Variants in GATAD2B observed in about 807,000 individuals in gnomAD.
The protein encoded by GATAD2B is GATA zinc finger domain containing 2B, also known as transcriptional repressor p66-beta.
Under a neutral mutation model 64.3 loss-of-function variants are expected in GATAD2B, and 8 were observed. The observed-to-expected ratio is 0.12, with a 90% CI of 0.07 to 0.22. The LOEUF (loss-of-function observed/expected upper bound fraction) is 0.22. Ranked by LOEUF, GATAD2B falls within the 10% of genes least tolerant of loss-of-function variation. The probability of loss-of-function intolerance (pLI) is 1.00; values close to 1 mark genes in which losing one functional copy is unlikely to be tolerated. For synonymous variants in GATAD2B, 281 were observed against 271.3 expected (o/e 1.04, Z -0.35); for missense variants, 453 against 752.0 (o/e 0.60, Z 4.65).
chr1:153,865,220 T>C (rs920283362), intron 1 of GATAD2B, among the ~76,000 whole-genome samples: 1 of 151,910 alleles, frequency 6.6e-6, no homozygotes, highest in African/African-American at 2.4e-5. Context: ...AGCACTATGG[T>C]AGGCCAAGGC....
intron 2 of GATAD2B, among the ~76,000 whole-genome samples, chr1:153,820,175 A>C (rs957329714): frequency 6.6e-6 from 1 of 152,174 alleles, no homozygotes; most frequent in Non-Finnish European, 1.5e-5. Context: ...GGAAGTATTA[A>C]TAATTTGAGG....
chr1:153,830,451 T>C (rs1397948212), intron 1 of GATAD2B, among the ~76,000 whole-genome samples: 1 of 74,002 alleles, frequency 1.4e-5, no homozygotes, highest in Non-Finnish European at 2.5e-5. Context: ...CGGCCTGTTT[T>C]TATTTTTATT....
intron 1 of GATAD2B, among the ~76,000 whole-genome samples, chr1:153,874,277 G>A (rs1360059070): frequency 7.1e-6 from 1 of 140,058 alleles, no homozygotes; most frequent in East Asian, 2.1e-4. Context: ...AAAAAAAAAA[G>A]AGAGAGGGAA....
At chr1:153,914,981 T>C (rs573952749) in intron 1 of GATAD2B, among the ~76,000 whole-genome samples, 1 of 151,768 alleles carries the variant, frequency 6.6e-6, no homozygotes, top group Non-Finnish European at 1.5e-5. Flanking sequence ...CCCAACACTT[T>C]GGGAGGCCAA....
chr1:153,842,728 C>T (rs1187746036), intron 1 of GATAD2B, among the ~76,000 whole-genome samples: 1 of 151,550 alleles, frequency 6.6e-6, no homozygotes, highest in Non-Finnish European at 1.5e-5. Flanking sequence ...TCTCGGCTCA[C>T]TGCAGCCTCC....
At chr1:153,883,233 T>G (rs1235623132) in intron 1 of GATAD2B, among the ~76,000 whole-genome samples, 3 of 152,184 alleles carry the variant, frequency 2.0e-5, no homozygotes, top group Non-Finnish European at 2.9e-5. Context: ...CGCAAAAATA[T>G]TATTTCTAAA....
intron 1 of GATAD2B, among the ~76,000 whole-genome samples, chr1:153,872,795 C>A (rs1181644898): frequency 6.6e-6 from 1 of 152,028 alleles, no homozygotes; most frequent in Non-Finnish European, 1.5e-5. Flanking sequence ...AGCTGGAAAC[C>A]CAAATAACTG....
chr1:153,821,844 G>A (rs1024376663), intron 2 of GATAD2B, among the ~76,000 whole-genome samples: 32 of 151,346 alleles, frequency 2.1e-4, no homozygotes, highest in African/African-American at 7.5e-4. Context: ...GAGATTACAG[G>A]CATGAGCGAC....
At chr1:153,891,815 G>A (rs964543075) in intron 1 of GATAD2B, among the ~76,000 whole-genome samples, 1 of 151,740 alleles carries the variant, frequency 6.6e-6, no homozygotes, top group Non-Finnish European at 1.5e-5. Context: ...AAAAATAAAA[G>A]GAATGGCTAG....
intron 1 of GATAD2B, among the ~76,000 whole-genome samples, chr1:153,913,511 C>T (rs1678166069): frequency 2.6e-5 from 4 of 152,178 alleles, no homozygotes. Flanking sequence ...TCAGTTACAA[C>T]TATCCTCCTG....
At chr1:153,876,233 A>C (rs1380387672) in intron 1 of GATAD2B, among the ~76,000 whole-genome samples, 1 of 59,214 alleles carries the variant, frequency 1.7e-5, no homozygotes. Context: ...GTCTCAAAAA[A>C]AAAAAAAAAA....
At chr1:153,853,190 C>A in intron 1 of GATAD2B, 1 of 1,222,836 alleles carries the variant, frequency 8.2e-7, no homozygotes, top group Non-Finnish European at 1.2e-6. Context: ...CTGCAATTTG[C>A]AGCTCTAGCT....
At chr1:153,824,962 T>A (rs1674818206) in intron 2 of GATAD2B, among the ~76,000 whole-genome samples, 1 of 152,086 alleles carries the variant, frequency 6.6e-6, no homozygotes, top group Non-Finnish European at 1.5e-5. Flanking sequence ...GGCACACGCC[T>A]ATAGTCCCAG....
intron 1 of GATAD2B, among the ~76,000 whole-genome samples, chr1:153,846,296 G>A (rs1675686979): frequency 1.3e-5 from 2 of 152,022 alleles, no homozygotes; most frequent in African/African-American, 4.8e-5. Context: ...GCAGTGGTGT[G>A]AACCTGACTC....
chr1:153,832,394 G>A lies in GATAD2B; in HGVS notation c.-1-4046C>T, dbSNP rs541126119. On this transcript the variant is annotated intron_variant, in intron 1 of 10. Coordinates refer to ENST00000368655, the MANE Select transcript of GATAD2B (RefSeq NM_020699.4). ...AGCCACAGCATTCCTTTAAGCCAAA[G>A]CGTAATTCAGAATCAGGCCCTAACT... Among the ~76,000 whole-genome samples, 3 of 152,316 alleles carry A rather than the reference G, an allele frequency of 2.0e-5. No homozygotes were observed. The South Asian group carries it at 6.2e-4, about 32-fold the overall frequency.
intron 1 of GATAD2B, among the ~76,000 whole-genome samples, chr1:153,897,768 C>A (rs1381883216): frequency 6.6e-6 from 1 of 152,008 alleles, no homozygotes; most frequent in Non-Finnish European, 1.5e-5. Flanking sequence ...GACAGTTGGC[C>A]AATATATTTA....
intron 1 of GATAD2B, among the ~76,000 whole-genome samples, chr1:153,864,892 A>C (rs1570971536): frequency 6.6e-6 from 1 of 151,978 alleles, no homozygotes; most frequent in African/African-American, 2.4e-5. Context: ...AACATAGTGA[A>C]ACCCTGTCTC....
At chr1:153,891,672 G>A (rs1677409151) in intron 1 of GATAD2B, among the ~76,000 whole-genome samples, 1 of 112,750 alleles carries the variant, frequency 8.9e-6, no homozygotes, top group Non-Finnish European at 1.8e-5. Context: ...TGGGGGGGGG[G>A]GAGGGGAGGG....
intron 1 of GATAD2B, among the ~76,000 whole-genome samples, chr1:153,874,808 A>G (rs1480837568): frequency 6.6e-6 from 1 of 151,978 alleles, no homozygotes; most frequent in Non-Finnish European, 1.5e-5. Flanking sequence ...AACTCCAGAC[A>G]TCAGGTGATC....
Sources: allele counts gnomAD v4.1 joint callset (sites outside exome capture counted in the v4.1 genomes callset), GRCh38; gene constraint gnomAD v4.1.1; transcripts MANE v1.5; gene names NCBI Gene and HGNC (gene_info 2026-07-23, HGNC 2026-07-21).